ATP8A2: variants seen among roughly 807,000 people sequenced by gnomAD.
The protein encoded by ATP8A2 is phospholipid-transporting ATPase IB.
ATP8A2 carries 100 observed loss-of-function variants against 165.6 expected under a neutral mutation model. The ratio of observed to expected loss-of-function variants is 0.60; its 90% CI spans 0.51 to 0.71. ATP8A2 has a LOEUF of 0.71. ATP8A2 is among the 30% of genes least tolerant of loss of function. The probability of loss-of-function intolerance (pLI) is 0.00; values close to 1 mark genes in which losing one functional copy is unlikely to be tolerated. For missense variants in ATP8A2, 1,227 were observed against 1,479.5 expected, an observed-to-expected ratio of 0.83 and a Z score of 2.80; for synonymous variants, 543 against 548.8, an observed-to-expected ratio of 0.99 and a Z score of 0.15.
intron 27 of ATP8A2, among the ~76,000 whole-genome samples, chr13:25,786,633 C>T (rs1217718312): frequency 6.6e-6 from 1 of 152,024 alleles, no homozygotes. Flanking sequence ...GTTAGTTCCA[C>T]CTTAGAGGTT....
rs576845905 is a variant in ATP8A2 at position 25,633,109 on chromosome 13, T to C, written c.2211+43410T>C. Among the ~76,000 whole-genome samples the C allele has an allele frequency of 3.9e-5, 6 of 152,348 alleles. No individual in the cohort carries two copies. The South Asian group carries it at 1.2e-3, about 32-fold the overall frequency. On this transcript the variant is annotated intron_variant, in intron 24 of 36. Coordinates refer to ENST00000381655, the MANE Select transcript of ATP8A2 (RefSeq NM_016529.6). ...TTGTTCAGCCTCTACTTGATCCCTG[T>C]TAGCACAGAAAGATGCAGTCAGATT...
At chr13:25,460,830 C>T (rs1156421026) in intron 1 of ATP8A2, among the ~76,000 whole-genome samples, 4 of 152,158 alleles carry the variant, frequency 2.6e-5, no homozygotes, top group African/African-American at 9.7e-5. Flanking sequence ...TTCTTATAAG[C>T]CTATTTCAAA....
intron 27 of ATP8A2, among the ~76,000 whole-genome samples, chr13:25,824,269 GCTAGCA>G (rs781328176): frequency 1.9e-4 from 29 of 152,172 alleles, no homozygotes; most frequent in Non-Finnish European, 2.6e-4. Flanking sequence ...ACTGAACCCT[GCTAGCA>G]GTGTCAATTC....
chr13:25,498,566 A>C (rs942115062), intron 2 of ATP8A2, among the ~76,000 whole-genome samples: 1 of 152,182 alleles, frequency 6.6e-6, no homozygotes, highest in Non-Finnish European at 1.5e-5. Flanking sequence ...GAATTGGCCA[A>C]TGTGGATAAT....
chr13:25,555,173 A>G, intron 13 of ATP8A2, 105 bp downstream of exon 13: 1 of 774,714 alleles, frequency 1.3e-6, no homozygotes. Context: ...CTTCTCCATG[A>G]ACATGGCTAG....
chr13:25,826,481 T>C (rs986080847), intron 27 of ATP8A2, among the ~76,000 whole-genome samples: 1 of 152,190 alleles, frequency 6.6e-6, no homozygotes, highest in Non-Finnish European at 1.5e-5. Flanking sequence ...GATACAGTAG[T>C]GCACAGAGCA....
chr13:25,565,181 C>A (rs1456748941), intron 16 of ATP8A2, among the ~76,000 whole-genome samples: 1 of 152,144 alleles, frequency 6.6e-6, no homozygotes, highest in Non-Finnish European at 1.5e-5. Flanking sequence ...CCACAATTCA[C>A]AGTTGTGAAT....
In ATP8A2 at chr13:25,620,019, C is replaced by T. The variant is rs115205518; in HGVS notation, c.2211+30320C>T. Among the ~76,000 whole-genome samples, 783 of 152,168 alleles carry T rather than the reference C, an allele frequency of 5.1e-3. 6 individuals carry two copies. The highest frequency in any genetic ancestry group is 0.018 in the African/African-American group (745 of 41,506). On this transcript the variant is annotated intron_variant, in intron 24 of 36. Coordinates refer to ENST00000381655, the MANE Select transcript of ATP8A2 (RefSeq NM_016529.6). Reference sequence around the variant, plus strand: ...TACAGAGTAGAATGAGGAAGTTTACCGAGCTTGATCAGCCTAAAGGCAAGA... The same window carrying T: ...TACAGAGTAGAATGAGGAAGTTTACTGAGCTTGATCAGCCTAAAGGCAAGA...
At chr13:25,737,556 G>A (rs2043799805) in intron 25 of ATP8A2, among the ~76,000 whole-genome samples, 1 of 152,234 alleles carries the variant, frequency 6.6e-6, no homozygotes, top group Non-Finnish European at 1.5e-5. Flanking sequence ...CTGGAGTGCA[G>A]TGGCACGATC....
chr13:25,781,591 C>A (rs778335712), intron 27 of ATP8A2, among the ~76,000 whole-genome samples: 1 of 151,988 alleles, frequency 6.6e-6, no homozygotes, highest in Non-Finnish European at 1.5e-5. Context: ...CAGGTTCAAG[C>A]GATTCTCCTA....
chr13:25,881,938 G>A (rs895802368), intron 33 of ATP8A2, among the ~76,000 whole-genome samples: 16 of 152,178 alleles, frequency 1.1e-4, no homozygotes, highest in African/African-American at 3.9e-4. Flanking sequence ...GAGTGCCTGA[G>A]TCCATTTCAG....
intron 30 of ATP8A2, among the ~76,000 whole-genome samples, chr13:25,847,343 C>T (rs759989682): frequency 1.5e-4 from 23 of 152,156 alleles, no homozygotes; most frequent in Non-Finnish European, 2.8e-4. Flanking sequence ...TGTTTTAAAC[C>T]GCAGTTATGA....
chr13:25,372,421 C>A lies in ATP8A2; in HGVS notation c.76+133C>A. 1.6e-6 allele frequency: 1 copy of A among 606,780 alleles called. No individual in the cohort carries two copies. Among genetic ancestry groups the A allele is most frequent in the Non-Finnish European group, 2.4e-6 (1 of 417,086 alleles). The allele number at this position is 606,780 out of a possible 1,614,324, so 37.6% of individuals were successfully genotyped here. A position where few individuals can be genotyped will look rare whatever the true frequency, so the allele number is the denominator to read the frequency against. On this transcript the variant is annotated intron_variant, in intron 1 of 36. Coordinates refer to ENST00000381655, the MANE Select transcript of ATP8A2 (RefSeq NM_016529.6). This position sits in a 1 kb window ranked among gnomAD's most constrained non-coding sequence, Gnocchi z 4.8. ...TGGGCTCCCTGGGCTCTCTGGGCTG[C>A]AGGATCCGCCGACGCGGCGCGCTGG...
intron 28 of ATP8A2, among the ~76,000 whole-genome samples, chr13:25,832,161 C>T (rs1951495115): frequency 6.6e-6 from 1 of 152,058 alleles, no homozygotes; most frequent in African/African-American, 2.4e-5. Flanking sequence ...TGGTCTTGAA[C>T]TCCTGACCTC....
chr13:25,627,584 G>A (rs144886649), intron 24 of ATP8A2, among the ~76,000 whole-genome samples: 1 of 152,270 alleles, frequency 6.6e-6, no homozygotes, highest in Non-Finnish European at 1.5e-5. Context: ...GTGGCTGTCT[G>A]TGAGCCAGGA....
chr13:25,638,532 T>G (rs1457120266), intron 24 of ATP8A2, among the ~76,000 whole-genome samples: 1 of 151,974 alleles, frequency 6.6e-6, no homozygotes, highest in Non-Finnish European at 1.5e-5. Flanking sequence ...ATGAATGAAA[T>G]GAAGCGAGAA....
At chr13:25,848,944 A>C (rs9581465) in intron 30 of ATP8A2, among the ~76,000 whole-genome samples, 20,092 of 150,816 alleles carry the variant, frequency 0.13, 1,575 homozygotes, top group Non-Finnish European at 0.18. Context: ...TAAATCTAGA[A>C]GTTGCTAGTT....
rs555397885 is a variant in ATP8A2, at chr13:25,797,953, A to AC, written c.2679+22995dup. The stretch of plus-strand genomic sequence containing the variant: ...GGGAAGGGTACCCTGATTAAATCTG[A>AC]CTATTTAAGAGATAAGTGAATCTTA... On this transcript the variant is annotated intron_variant, in intron 27 of 36. Coordinates refer to ENST00000381655, the MANE Select transcript of ATP8A2 (RefSeq NM_016529.6). Among the ~76,000 whole-genome samples the AC allele has an allele frequency of 7.0e-4, 107 of 152,292 alleles. 1 individual carries two copies. Among genetic ancestry groups the AC allele is most frequent in the South Asian group, 3.1e-3 (15 of 4,826 alleles).
intron 27 of ATP8A2, among the ~76,000 whole-genome samples, chr13:25,810,298 T>A (rs894047169): frequency 2.0e-5 from 3 of 152,378 alleles, no homozygotes; most frequent in African/African-American, 7.2e-5. Context: ...TGGAGACTGC[T>A]GATCTCGCTA....
Sources: allele counts gnomAD v4.1 joint callset (sites outside exome capture counted in the v4.1 genomes callset), GRCh38; gene constraint gnomAD v4.1.1; non-coding constraint Gnocchi (gnomAD v3.1); transcripts MANE v1.5; gene names NCBI Gene and HGNC (gene_info 2026-07-23, HGNC 2026-07-21).